The following GARRE1 variants were observed in gnomAD, a reference collection of about 807,000 sequenced individuals.
The protein encoded by GARRE1 is granule associated Rac and RHOG effector protein 1.
GARRE1 carries 49 observed loss-of-function variants against 103.2 expected under a neutral mutation model. The observed-to-expected ratio is 0.47, with a 90% CI of 0.38 to 0.60. The LOEUF is 0.60. Ranked by LOEUF, GARRE1 falls within the 20% of genes least tolerant of loss-of-function variation. The pLI, the probability that GARRE1 is intolerant of heterozygous loss-of-function variation, is 0.00. For synonymous variants in GARRE1, 505 were observed against 532.8 expected (o/e 0.95, Z 0.72); for missense variants, 1,199 against 1,370.5 (o/e 0.87, Z 1.98).
At chr19:34,333,127 A>T (rs1307429204) in intron 7 of GARRE1, among the ~76,000 whole-genome samples, 1 of 152,098 alleles carries the variant, frequency 6.6e-6, no homozygotes, top group African/African-American at 2.4e-5. Flanking sequence ...GCTCACTGCA[A>T]CCTCTGCCTC....
chr19:34,351,604 G>A lies in GARRE1; in HGVS notation c.2904+12G>A, dbSNP rs1171073385. 6.2e-7 allele frequency: 1 copy of A among 1,601,176 alleles called. No homozygotes were observed. The highest frequency in any genetic ancestry group is 8.6e-7 in the Non-Finnish European group (1 of 1,168,810). On this transcript the variant is annotated intron_variant, in intron 13 of 13. Transcript: ENST00000299505. ...AGGATGTGAACCAGGTATTCAGGCAGGCTCTGTGGGCACAGACTTGGGCTA... is the reference window on the plus strand; with the variant it reads ...AGGATGTGAACCAGGTATTCAGGCAAGCTCTGTGGGCACAGACTTGGGCTA...
intron 2 of GARRE1, among the ~76,000 whole-genome samples, chr19:34,312,523 C>T (rs1045207721): frequency 6.6e-6 from 1 of 152,186 alleles, no homozygotes; most frequent in African/African-American, 2.4e-5. Context: ...CTAGGAACCT[C>T]GTATAAATGG....
chr19:34,341,620 T>A lies in GARRE1; in HGVS notation c.1686T>A (p.Asn562Lys). 1 of 1,614,196 alleles carries A rather than the reference T, an allele frequency of 6.2e-7. No homozygotes were observed. Among genetic ancestry groups the A allele is most frequent in the Non-Finnish European group, 8.5e-7 (1 of 1,180,040 alleles). The change falls in exon 10 of 14, where the codon AAT (asparagine) becomes AAA (lysine). Residue 562 changes from asparagine to lysine, a missense_variant. Asn to Lys is a moderately conservative substitution (Grantham distance 94). Coordinates refer to ENST00000299505, the MANE Select transcript of GARRE1 (RefSeq NM_014686.5). The part of the protein sequence containing the change: ...SSSSTNYSIQ[N>K]TPSKNIFIAG... ...GCAGCACAAATTATTCCATCCAAAA[T>A]ACCCCTTCCAAAAACATCTTCATAG...
chr19:34,289,185 A>G (rs997371217), intron 1 of GARRE1, among the ~76,000 whole-genome samples: 2 of 152,148 alleles, frequency 1.3e-5, no homozygotes, highest in African/African-American at 4.8e-5. Flanking sequence ...CTATAATCCC[A>G]GCACTTTGGG....
rs934649316 is a variant in GARRE1, at chr19:34,301,491, A to G, written c.495+523A>G. 7.5e-5 allele frequency among the ~76,000 whole-genome samples: 10 copies of G among 134,182 alleles called. 1 individual carries two copies. Among genetic ancestry groups the G allele is most frequent in the East Asian group, 4.5e-4 (2 of 4,494 alleles). 88.0% of individuals were successfully genotyped at this position (134,182 alleles called of 152,430 possible). On this transcript the variant is annotated intron_variant, in intron 2 of 13. Coordinates refer to ENST00000299505, the MANE Select transcript of GARRE1 (RefSeq NM_014686.5). ...ATTGCACTGCTGTACTCCAGCCTGG[A>G]CGGCAGAGTGAGACCATGTCTCAAA...
chr19:34,346,159 A>G (rs1358175786), intron 10 of GARRE1, among the ~76,000 whole-genome samples: 1 of 152,222 alleles, frequency 6.6e-6, no homozygotes, highest in Non-Finnish European at 1.5e-5. Flanking sequence ...CCTAAGGATA[A>G]GTTGATAATG....
rs868246136 is a variant in GARRE1, at chr19:34,273,328, C to T, written c.-796+18714C>T. Among the ~76,000 whole-genome samples, 9 of 152,186 alleles carry T rather than the reference C, an allele frequency of 5.9e-5. No individual in the cohort carries two copies. The South Asian group carries it at 1.0e-3, about 17-fold the overall frequency. On this transcript the variant is annotated intron_variant, in intron 1 of 13. Transcript: ENST00000299505. ...AAAGCTCCAAGTATAATGCTTGGCA[C>T]GTCATAGACACTTAGTGACTGGTCC...
In GARRE1 at chr19:34,301,982, C is replaced by G. The variant is rs1341636720; in HGVS notation, c.495+1014C>G. Among the ~76,000 whole-genome samples the G allele has an allele frequency of 1.0e-4, 5 of 50,062 alleles. No homozygotes were observed. The East Asian group carries it at 2.4e-3, about 24-fold the overall frequency. 32.8% of individuals were successfully genotyped at this position (50,062 alleles called of 152,430 possible). On this transcript the variant is annotated intron_variant, in intron 2 of 13. Coordinates refer to ENST00000299505, the MANE Select transcript of GARRE1 (RefSeq NM_014686.5). ...ACAGGTGTGAGCCACTGCGCCCAGC[C>G]TTTTTTTTTTTTTTTTTTTTTTTTT...
chr19:34,339,798 A>G (rs1478578652), intron 8 of GARRE1, 69 bp from the exon 9 acceptor site: 10 of 1,598,886 alleles, frequency 6.3e-6, no homozygotes, highest in Admixed American at 1.7e-5. Context: ...AGCCTTTTCT[A>G]TGAGACCTGC....
intron 12 of GARRE1, among the ~76,000 whole-genome samples, 186 bp downstream of exon 12, chr19:34,349,339 G>C (rs576100476): frequency 6.6e-6 from 1 of 152,292 alleles, no homozygotes; most frequent in East Asian, 1.9e-4. Flanking sequence ...CCACAAGGAA[G>C]AGCCGGCCTC....
At chr19:34,255,282 G>T (rs2073664842) in intron 1 of GARRE1, among the ~76,000 whole-genome samples, 1 of 152,232 alleles carries the variant, frequency 6.6e-6, no homozygotes, top group Admixed American at 6.5e-5. Flanking sequence ...TGCGCCGCGC[G>T]GTGCGAGGAA....
intron 7 of GARRE1, 45 bp downstream of exon 7, chr19:34,330,392 T>G: frequency 6.3e-7 from 1 of 1,593,546 alleles, no homozygotes; most frequent in Non-Finnish European, 8.6e-7. Flanking sequence ...TACCAAGATG[T>G]TTCAAGCATG....
At chr19:34,289,510 A>G (rs1028038482) in intron 1 of GARRE1, among the ~76,000 whole-genome samples, 1 of 151,868 alleles carries the variant, frequency 6.6e-6, no homozygotes, top group Non-Finnish European at 1.5e-5. Flanking sequence ...GCGGATCACA[A>G]GGTCAGAAGA....
At chr19:34,334,420 C>T (rs1317294343) in intron 8 of GARRE1, among the ~76,000 whole-genome samples, 1 of 151,910 alleles carries the variant, frequency 6.6e-6, no homozygotes, top group Non-Finnish European at 1.5e-5. Flanking sequence ...ATGTAATGGC[C>T]AAGTGCGGTG....
At chr19:34,293,750 CTTTTT>C (rs71165643) in intron 1 of GARRE1, among the ~76,000 whole-genome samples, 788 of 46,978 alleles carry the variant, frequency 0.017, 2 homozygotes, top group Non-Finnish European at 0.023. Context: ...ACACATATTT[CTTTTT>C]TTTTTTTTTT....
rs2074121394 is a variant in GARRE1 at position 34,328,220 on chromosome 19, G to A, written c.1104+69G>A. The A allele has an allele frequency of 3.9e-6, 6 of 1,534,868 alleles. No individual in the cohort carries two copies. The East Asian group carries it at 9.0e-5, about 23-fold the overall frequency. On this transcript the variant is annotated intron_variant, in intron 6 of 13. Coordinates refer to ENST00000299505, the MANE Select transcript of GARRE1 (RefSeq NM_014686.5). ...ATAGAGTTCTTAAGAGAAATGTAAA[G>A]GCTTGCGAAGGATGTAGATTAAAAA...
At chr19:34,265,811 G>A (rs983167925) in intron 1 of GARRE1, among the ~76,000 whole-genome samples, 4 of 152,164 alleles carry the variant, frequency 2.6e-5, no homozygotes, top group African/African-American at 9.7e-5. Context: ...CAGAGGCTGT[G>A]CTTTATGGAT....
chr19:34,320,981 C>T (rs564477791), intron 3 of GARRE1, among the ~76,000 whole-genome samples: 2 of 145,630 alleles, frequency 1.4e-5, no homozygotes, highest in East Asian at 2.0e-4. Context: ...TGGGCTCAAG[C>T]GATCCACCCA....
At chr19:34,336,421 T>TC (rs1169574948) in intron 8 of GARRE1, among the ~76,000 whole-genome samples, 3 of 152,104 alleles carry the variant, frequency 2.0e-5, no homozygotes, top group African/African-American at 7.2e-5. Flanking sequence ...GTTACTAAAT[T>TC]CTTTTTTTTT....
Sources: allele counts gnomAD v4.1 joint callset (sites outside exome capture counted in the v4.1 genomes callset), GRCh38; gene constraint gnomAD v4.1.1; transcripts MANE v1.5; gene names NCBI Gene and HGNC (gene_info 2026-07-23, HGNC 2026-07-21).